The following HIKESHI variants were observed in gnomAD, a reference collection of about 807,000 sequenced individuals.
HIKESHI encodes protein Hikeshi.
HIKESHI carries 13 observed loss-of-function variants against 25.7 expected under a neutral mutation model. The ratio of observed to expected loss-of-function variants is 0.51; its 90% CI spans 0.33 to 0.80. HIKESHI has a LOEUF of 0.80. Ranked by LOEUF, HIKESHI falls within the 30% of genes least tolerant of loss-of-function variation. The pLI is 0.02. For missense variants in HIKESHI, 174 were observed against 229.5 expected, an observed-to-expected ratio of 0.76 and a Z score of 1.56; for synonymous variants, 76 against 78.7, an observed-to-expected ratio of 0.97 and a Z score of 0.18.
intron 2 of HIKESHI, among the ~76,000 whole-genome samples, chr11:86,327,053 C>G (rs987104695): frequency 2.0e-5 from 3 of 152,054 alleles, no homozygotes; most frequent in Non-Finnish European, 4.4e-5. Context: ...ATAGTGAGAT[C>G]TCTTCTCTAA....
At chr11:86,338,962 T>C (rs754455753) in intron 3 of HIKESHI, among the ~76,000 whole-genome samples, 51 of 152,226 alleles carry the variant, frequency 3.4e-4, no homozygotes, top group Admixed American at 1.2e-3. Flanking sequence ...TTACGAAATA[T>C]TTTAAATACA....
At chr11:86,317,813 T>C (rs538824920) in intron 2 of HIKESHI, among the ~76,000 whole-genome samples, 54 of 151,338 alleles carry the variant, frequency 3.6e-4, no homozygotes, top group African/African-American at 1.3e-3. Flanking sequence ...CGAAAAACGA[T>C]GAATCAAGGA....
At position 86,302,474 on chromosome 11, in the gene HIKESHI, G is replaced by T. The variant is rs1358874954; in HGVS notation, c.26G>T (p.Arg9Met). The change falls in exon 1 of 5, where the codon AGG (arginine) becomes ATG (methionine). Residue 9 changes from arginine to methionine, a missense_variant. By Grantham distance (91) the Arg-to-Met change is moderately conservative. Coordinates refer to ENST00000278483, the MANE Select transcript of HIKESHI (RefSeq NM_016401.4). Reference protein sequence around the residue: MFGCLVAGRLVQTAAQQVA... With the variant: MFGCLVAGMLVQTAAQQVA... ...ATGTTTGGCTGCTTGGTGGCGGGGAGGCTGGTGAGGATGGGACCGGGTGAT... is the reference window on the plus strand; with the variant it reads ...ATGTTTGGCTGCTTGGTGGCGGGGATGCTGGTGAGGATGGGACCGGGTGAT... The T allele has an allele frequency of 2.8e-5, 44 of 1,558,048 alleles. No individual in the cohort carries two copies. The highest frequency in any genetic ancestry group is 3.7e-5 in the Non-Finnish European group (43 of 1,150,876).
chr11:86,335,374 A>G (rs1947527678), intron 2 of HIKESHI, among the ~76,000 whole-genome samples: 1 of 152,206 alleles, frequency 6.6e-6, no homozygotes, highest in African/African-American at 2.4e-5. Flanking sequence ...CTAACCAGAA[A>G]GGTTGGGAAT....
At chr11:86,309,400 A>G (rs1323827497) in intron 2 of HIKESHI, among the ~76,000 whole-genome samples, 3 of 152,104 alleles carry the variant, frequency 2.0e-5, no homozygotes, top group Admixed American at 2.0e-4. Flanking sequence ...TCCGTTGTCC[A>G]CTTTTTGATG....
At chr11:86,333,591 C>T (rs560622647) in intron 2 of HIKESHI, among the ~76,000 whole-genome samples, 37 of 151,784 alleles carry the variant, frequency 2.4e-4, no homozygotes, top group South Asian at 1.9e-3. Flanking sequence ...TGGTATTCTA[C>T]TCAGTCATTT....
chr11:86,316,771 C>CTTTTTTTTTTTTTTTTTTT (rs71040229), intron 2 of HIKESHI, among the ~76,000 whole-genome samples: 13 of 68,788 alleles, frequency 1.9e-4, no homozygotes, highest in Non-Finnish European at 2.7e-4. Flanking sequence ...CTGAAACATT[C>CTTTTTTTTTTTTTTTTTTT]TTTTTTTTTT....
chr11:86,343,491 C>G (rs1240318983), intron 3 of HIKESHI: 1 of 151,948 alleles, frequency 6.6e-6, no homozygotes, highest in Non-Finnish European at 1.5e-5. Context: ...AAAAATTACC[C>G]AGGCATGGTG....
chr11:86,337,589 T>C, intron 3 of HIKESHI, 59 bp downstream of exon 3: 1 of 1,495,534 alleles, frequency 6.7e-7, no homozygotes, highest in Non-Finnish European at 9.0e-7. Context: ...TAAGGTATAA[T>C]ATACAAGTTA....
intron 2 of HIKESHI, among the ~76,000 whole-genome samples, chr11:86,315,522 T>A (rs906661856): frequency 1.1e-4 from 17 of 152,130 alleles, no homozygotes; most frequent in African/African-American, 4.1e-4. Context: ...GGTTTCACCA[T>A]GTTGGTCAGG....
At chr11:86,340,010 C>G (rs1947682934) in intron 3 of HIKESHI, among the ~76,000 whole-genome samples, 1 of 147,532 alleles carries the variant, frequency 6.8e-6, no homozygotes, top group Non-Finnish European at 1.5e-5. Context: ...GTTTGGTTTT[C>G]TGTCCTTGTG....
At chr11:86,317,972 A>T (rs768942088) in intron 2 of HIKESHI, among the ~76,000 whole-genome samples, 9 of 152,120 alleles carry the variant, frequency 5.9e-5, no homozygotes, top group Admixed American at 3.9e-4. Flanking sequence ...AGAAGAATAT[A>T]CCAAACAAAA....
intron 2 of HIKESHI, among the ~76,000 whole-genome samples, chr11:86,309,140 A>AC (rs1195699263): frequency 6.6e-6 from 1 of 151,912 alleles, no homozygotes; most frequent in Non-Finnish European, 1.5e-5. Context: ...TTGAGGAATC[A>AC]CCACACTGTC....
At chr11:86,311,107 A>G (rs371165827) in intron 2 of HIKESHI, among the ~76,000 whole-genome samples, 8 of 152,064 alleles carry the variant, frequency 5.3e-5, no homozygotes, top group South Asian at 2.1e-4. Flanking sequence ...CTCTTTTGCT[A>G]TTGATTGGAA....
chr11:86,323,372 A>G (rs11234616), intron 2 of HIKESHI, among the ~76,000 whole-genome samples: 6,920 of 152,330 alleles, frequency 0.045, 236 homozygotes, highest in Non-Finnish European at 0.066. Flanking sequence ...GTTGGAAAAC[A>G]TGAAAGATTA....
At chr11:86,302,823 T>C (rs188083692) in intron 1 of HIKESHI, among the ~76,000 whole-genome samples, 48 of 152,360 alleles carry the variant, frequency 3.2e-4, no homozygotes, top group African/African-American at 1.2e-3. Flanking sequence ...GTCTTTATCT[T>C]TGACATTTTG....
chr11:86,339,337 C>T (rs1947658971), intron 3 of HIKESHI, among the ~76,000 whole-genome samples: 1 of 152,176 alleles, frequency 6.6e-6, no homozygotes, highest in African/African-American at 2.4e-5. Context: ...CGTGAGCCAC[C>T]GCGCCCAGCC....
At chr11:86,344,764 C>A in intron 4 of HIKESHI, 43 bp downstream of exon 4, 1 of 1,236,090 alleles carries the variant, frequency 8.1e-7, no homozygotes, top group Non-Finnish European at 1.2e-6. Flanking sequence ...CTTTTTATAA[C>A]TGAATATCTA....
At chr11:86,344,368 A>G (rs1405368162) in intron 3 of HIKESHI, 3 of 390,122 alleles carry the variant, frequency 7.7e-6, no homozygotes, top group Non-Finnish European at 1.4e-5. Flanking sequence ...GGGCCTCACT[A>G]TGTTGCACAG....
Sources: allele counts gnomAD v4.1 joint callset (sites outside exome capture counted in the v4.1 genomes callset), GRCh38; gene constraint gnomAD v4.1.1; transcripts MANE v1.5; gene names NCBI Gene and HGNC (gene_info 2026-07-23, HGNC 2026-07-21).